PLIN3: variants seen among roughly 807,000 people sequenced by gnomAD.
The protein encoded by PLIN3 is perilipin 3, also known as perilipin-3.
In PLIN3, 30 loss-of-function variants were observed where a neutral mutation model predicts 35.9. That is an observed-to-expected ratio of 0.84 (90% CI 0.62 to 1.13). The LOEUF (loss-of-function observed/expected upper bound fraction) is 1.13, where lower values mean the gene tolerates loss of function less well. PLIN3 is among the 50% of genes most tolerant of loss of function. The pLI, the probability that PLIN3 is intolerant of heterozygous loss-of-function variation, is 0.00. For missense variants in PLIN3, 603 were observed against 596.9 expected, an observed-to-expected ratio of 1.01 and a Z score of -0.11; for synonymous variants, 261 against 262.5, an observed-to-expected ratio of 0.99 and a Z score of 0.06.
chr19:4,865,847 C>T (rs772088944), intron 1 of PLIN3, among the ~76,000 whole-genome samples: 9 of 151,596 alleles, frequency 5.9e-5, no homozygotes, highest in African/African-American at 9.7e-5. Context: ...CCTCAGCCTC[C>T]CGAGTAGCTG....
intron 1 of PLIN3, among the ~76,000 whole-genome samples, chr19:4,867,273 T>C (rs981362054): frequency 6.6e-6 from 1 of 152,166 alleles, no homozygotes; most frequent in African/African-American, 2.4e-5. Flanking sequence ...AAATGGCGTT[T>C]CCAAAAGCAA....
chr19:4,862,044 T>G (rs2030693684), intron 1 of PLIN3, among the ~76,000 whole-genome samples: 1 of 150,914 alleles, frequency 6.6e-6, no homozygotes, highest in Non-Finnish European at 1.5e-5. Context: ...GCTTAAGGGA[T>G]CCTCCTGCCT....
chr19:4,866,271 G>GTGAA, intron 1 of PLIN3, among the ~76,000 whole-genome samples: 1 of 152,092 alleles, frequency 6.6e-6, no homozygotes, highest in African/African-American at 2.4e-5. Flanking sequence ...GCCCACCTCA[G>GTGAA]CCTCCCAAAG....
At chr19:4,849,327 A>C (rs555203635) in intron 5 of PLIN3, among the ~76,000 whole-genome samples, 287 of 151,806 alleles carry the variant, frequency 1.9e-3, no homozygotes, top group African/African-American at 6.5e-3. Flanking sequence ...TTATATTTTG[A>C]AGTACAGTCT....
rs375364578 is a variant in PLIN3 at position 4,844,815 on chromosome 19, T to C, written c.835-22A>G. 67 of 1,577,416 alleles carry C rather than the reference T, an allele frequency of 4.2e-5. No homozygotes were observed. In the African/African-American group the frequency reaches 7.8e-4, roughly 18 times the overall value. Reference sequence around the variant, plus strand: ...CCATCTGGGGCAGGGGAGAGAGAAGTGAGGGAAGGAGGCTCCCCTGGGAGA... The same window carrying C: ...CCATCTGGGGCAGGGGAGAGAGAAGCGAGGGAAGGAGGCTCCCCTGGGAGA... On this transcript the variant is annotated intron_variant, in intron 6 of 7. Transcript: ENST00000221957.
intron 4 of PLIN3, among the ~76,000 whole-genome samples, chr19:4,859,021 G>A (rs1272412189): frequency 6.6e-6 from 1 of 151,998 alleles, no homozygotes; most frequent in Non-Finnish European, 1.5e-5. Flanking sequence ...GTGTTTTGAT[G>A]TTTTGACTTT....
chr19:4,859,635 G>C lies in PLIN3; in HGVS notation c.303C>G (p.Asp101Glu). The C allele has an allele frequency of 6.2e-7, 1 of 1,614,148 alleles. No individual in the cohort carries two copies. Among genetic ancestry groups the C allele is most frequent in the Non-Finnish European group, 8.5e-7 (1 of 1,180,010 alleles). Residue 101 changes from aspartate (D) to glutamate (E), a missense_variant, in exon 4 of 8, where the codon GAC becomes GAG. Transcript: ENST00000221957. ...GGATGGGGAGGTTCTCCTCCAACTT[G>C]TCCAGCCCCCTGTGGGCGTATTCGC... ...SASEYAHRGL[D>E]KLEENLPILQ...
chr19:4,854,448 G>C (rs943456691), intron 4 of PLIN3, among the ~76,000 whole-genome samples: 6 of 151,636 alleles, frequency 4.0e-5, no homozygotes, highest in Middle Eastern at 3.2e-3. Context: ...TTGTCACCCA[G>C]GCTGGAGTGC....
At position 4,844,787 on chromosome 19, in the gene PLIN3, T is replaced by C. The variant is rs772332439; in HGVS notation, c.841A>G (p.Thr281Ala). 12 of 1,597,544 alleles carry C rather than the reference T, an allele frequency of 7.5e-6. No individual in the cohort carries two copies. In the African/African-American group the frequency reaches 1.5e-4, roughly 20 times the overall value. ...QLSQVLSLME[T>A]VKQGVDQKLV... ...TTCTGATCAACGCCTTGCTTGACAG[T>C]TTCCATCTGGGGCAGGGGAGAGAGA... is the stretch of plus-strand genomic sequence containing the variant. Residue 281 changes from threonine (T) to alanine (A), a missense_variant, in exon 7 of 8, where the codon ACT becomes GCT. Transcript: ENST00000221957.
intron 4 of PLIN3, among the ~76,000 whole-genome samples, chr19:4,852,959 C>T (rs1390745081): frequency 6.6e-6 from 1 of 151,948 alleles, no homozygotes; most frequent in Non-Finnish European, 1.5e-5. Flanking sequence ...GGATTACAGG[C>T]ATGCGCCACC....
chr19:4,856,080 G>GTC (rs2146209847), intron 4 of PLIN3, among the ~76,000 whole-genome samples: 1 of 152,232 alleles, frequency 6.6e-6, no homozygotes, highest in Non-Finnish European at 1.5e-5. Context: ...TGAATAAGCT[G>GTC]CCTGTCCCTG....
rs556610957 is a variant in PLIN3, at chr19:4,841,221, G to A, written c.961-1685C>T. Among the ~76,000 whole-genome samples, 46 of 152,082 alleles carry A rather than the reference G, an allele frequency of 3.0e-4. 1 individual carries two copies. Among genetic ancestry groups the A allele is most frequent in the South Asian group, 6.2e-4 (3 of 4,826 alleles). On this transcript the variant is annotated intron_variant, in intron 7 of 7. Transcript: ENST00000221957. ...AGTAGAAACGACTCAAGTGTCCTTC[G>A]GTTGATAAATGGGTGAACAGAATGT... is the stretch of plus-strand genomic sequence containing the variant.
chr19:4,864,098 AGTGTGTGTGTGTGTGTGTGTGT>A lies in PLIN3; in HGVS notation c.-17-2709_-17-2688del, dbSNP rs71170861. 5.3e-4 allele frequency among the ~76,000 whole-genome samples: 66 copies of A among 125,386 alleles called. 1 individual carries two copies. Among genetic ancestry groups the A allele is most frequent in the East Asian group, 7.0e-4 (3 of 4,284 alleles). 82.3% of individuals were successfully genotyped at this position (125,386 alleles called of 152,430 possible). A position where few individuals can be genotyped will look rare whatever the true frequency, so the allele number is the denominator to read the frequency against. ...CAGGCACGCACCACCACACCTGGCTAGTGTGTGTGTGTGTGTGTGTGTGTGTGTGTGTGTGTGTGTGTGTGTG... is the reference window on the plus strand; with the variant it reads ...CAGGCACGCACCACCACACCTGGCTAGTGTGTGTGTGTGTGTGTGTGTGTG... On this transcript the variant is annotated intron_variant, in intron 1 of 7. Transcript: ENST00000221957.
intron 7 of PLIN3, 131 bp from the exon 8 acceptor site, chr19:4,839,667 CTTTTT>C (rs781142496): frequency 1.8e-5 from 8 of 454,228 alleles, no homozygotes; most frequent in South Asian, 1.3e-4. Flanking sequence ...ATAGGCGAAA[CTTTTT>C]TTTTTTTTTT....
intron 4 of PLIN3, among the ~76,000 whole-genome samples, chr19:4,853,148 CTTT>C (rs752214836): frequency 3.0e-4 from 44 of 146,042 alleles, no homozygotes; most frequent in Non-Finnish European, 5.1e-4. Context: ...AATTTTTTTT[CTTT>C]TGAGATGGAG....
chr19:4,856,637 T>A (rs1296083565), intron 4 of PLIN3, among the ~76,000 whole-genome samples: 1 of 151,810 alleles, frequency 6.6e-6, no homozygotes, highest in East Asian at 1.9e-4. Flanking sequence ...GCAGGCAGCC[T>A]GTGCCCTGGT....
In PLIN3 at chr19:4,852,145, C is replaced by T. The variant is rs1485015225; in HGVS notation, c.505G>A (p.Val169Met). 4.5e-5 allele frequency: 72 copies of T among 1,614,000 alleles called. No individual in the cohort carries two copies. The highest frequency in any genetic ancestry group is 6.0e-5 in the Non-Finnish European group (71 of 1,180,016). The change falls in exon 5 of 8, where the codon GTG (valine) becomes ATG (methionine). Residue 169 changes from valine (V) to methionine (M), a missense_variant. Transcript: ENST00000221957. ...ATGACCGATTGGACGCCGCCGGTCA[C>T]TACGGACTTTGTCTTGTCCACGCCG... ...QSGVDKTKSV[V>M]TGGVQSVMGS...
At chr19:4,849,366 G>A (rs1475549132) in intron 5 of PLIN3, among the ~76,000 whole-genome samples, 6 of 152,006 alleles carry the variant, frequency 3.9e-5, no homozygotes, top group East Asian at 1.9e-4. Context: ...GGAGTGCAGC[G>A]GTGCAATCAT....
At chr19:4,845,036 C>T (rs1414205437) in intron 6 of PLIN3, among the ~76,000 whole-genome samples, 6 of 152,160 alleles carry the variant, frequency 3.9e-5, no homozygotes, top group African/African-American at 1.4e-4. Flanking sequence ...TAGCTCTTCC[C>T]ATTGTGTCAA....
Sources: allele counts gnomAD v4.1 joint callset (sites outside exome capture counted in the v4.1 genomes callset), GRCh38; gene constraint gnomAD v4.1.1; transcripts MANE v1.5; gene names NCBI Gene and HGNC (gene_info 2026-07-23, HGNC 2026-07-21).